SLC12A7: variants seen among roughly 807,000 people sequenced by gnomAD.
The protein encoded by SLC12A7 is K-Cl cotransporter 4.
A neutral mutation model predicts 120.6 loss-of-function variants in SLC12A7; 100 were observed. That is an observed-to-expected ratio of 0.83 (90% CI 0.71 to 0.98). The LOEUF is 0.98. Among genes scored for constraint, SLC12A7 ranks in the 50% least tolerant of loss-of-function variants. The pLI is 0.00. For missense variants in SLC12A7, 1,373 were observed against 1,548.1 expected (o/e 0.89, Z 1.90); for synonymous variants, 760 against 678.0 (o/e 1.12, Z -1.88).
At chr5:1,076,615 A>T in intron 13 of SLC12A7, 79 bp downstream of exon 13, 1 of 1,051,214 alleles carries the variant, frequency 9.5e-7, no homozygotes. Flanking sequence ...GCTTGTCCTG[A>T]GCAGGACCTC....
chr5:1,061,844 C>G (rs1736325203), intron 20 of SLC12A7, among the ~76,000 whole-genome samples: 1 of 152,040 alleles, frequency 6.6e-6, no homozygotes, highest in Non-Finnish European at 1.5e-5. Flanking sequence ...TACCTGTAGT[C>G]CCAGCTACTC....
intron 17 of SLC12A7, among the ~76,000 whole-genome samples, chr5:1,068,271 C>T (rs912449575): frequency 5.9e-5 from 9 of 152,116 alleles, no homozygotes; most frequent in African/African-American, 2.2e-4. Context: ...CCCGTCTCTA[C>T]TAAAAATACA....
chr5:1,153,585 A>G, the SLC12A7 span, among the ~76,000 whole-genome samples: 1 of 152,168 alleles, frequency 6.6e-6, no homozygotes, highest in Non-Finnish European at 1.5e-5. Context: ...CCCTGGCACT[A>G]CAGAGCCAAG....
chr5:1,103,412 C>T (rs1190332721), intron 1 of SLC12A7, among the ~76,000 whole-genome samples: 5 of 152,172 alleles, frequency 3.3e-5, no homozygotes, highest in African/African-American at 7.2e-5. Flanking sequence ...CATGAACACA[C>T]GCCACAGAAA....
At chr5:1,094,595 C>T (rs1468518616) in intron 1 of SLC12A7, among the ~76,000 whole-genome samples, 1 of 152,226 alleles carries the variant, frequency 6.6e-6, no homozygotes, top group African/African-American at 2.4e-5. Context: ...AGACAAAGCC[C>T]CTGAAAGCCT....
At position 1,075,516 on chromosome 5, in the gene SLC12A7, G is replaced by A; in HGVS notation, c.1848-26C>T. ...CTGGGGGCGGGGCAAGTGGCTCGGG[G>A]CGGCCCAACGCCATGCAGCCCCCAC... On this transcript the variant is annotated intron_variant, in intron 14 of 23. Coordinates refer to ENST00000264930, the MANE Select transcript of SLC12A7 (RefSeq NM_006598.3). The A allele has an allele frequency of 3.8e-6, 6 of 1,596,124 alleles. No homozygotes were observed. The African/African-American group carries it at 4.0e-5, about 11-fold the overall frequency.
rs374693912 is a variant in SLC12A7, at chr5:1,083,025, T to C, written c.1129+720A>G. 7.3e-4 allele frequency among the ~76,000 whole-genome samples: 106 copies of C among 145,752 alleles called. 4 individuals are homozygous for C. Among genetic ancestry groups the C allele is most frequent in the Middle Eastern group, 3.9e-3 (1 of 256 alleles). ...TTCCCATCTCAGGTTCTGGAAAGCC[T>C]GGGCTTCCCGTCTCAGGTTCTGGAA... On this transcript the variant is annotated intron_variant, in intron 8 of 23. Transcript: ENST00000264930.
the SLC12A7 span, among the ~76,000 whole-genome samples, chr5:1,141,509 T>C: frequency 6.6e-6 from 1 of 152,190 alleles, no homozygotes; most frequent in Non-Finnish European, 1.5e-5. Flanking sequence ...CTCTCTGTGC[T>C]CTCCCCTGGC....
In SLC12A7 at chr5:1,073,703, A is replaced by AGGC. The variant is rs1207468689; in HGVS notation, c.2168_2170dup (p.Gly723_Leu724insArg). ...CTCCAGCACCGAGCCCACGATGGTC[A>AGGC]GGCCCTTGCCGGCCTTCAGCTGCGA... On this transcript the variant is annotated inframe_insertion, in exon 17 of 24. Coordinates refer to ENST00000264930, the MANE Select transcript of SLC12A7 (RefSeq NM_006598.3). 1 of 1,580,354 alleles carries AGGC rather than the reference A, an allele frequency of 6.3e-7. No individual in the cohort carries two copies. Among genetic ancestry groups the AGGC allele is most frequent in the South Asian group, 1.1e-5 (1 of 88,096 alleles).
At position 1,078,305 on chromosome 5, in the gene SLC12A7, G is replaced by A. The variant is rs561424788; in HGVS notation, c.1455-298C>T. On this transcript the variant is annotated intron_variant, in intron 11 of 23. Transcript: ENST00000264930. ...CAGTCAGGGACCACCCAGGACCCCCGGGGCCTTGGGGCTGCCAGACACGCA... is the reference window on the plus strand; with the variant it reads ...CAGTCAGGGACCACCCAGGACCCCCAGGGCCTTGGGGCTGCCAGACACGCA... Among the ~76,000 whole-genome samples, 8 of 152,216 alleles carry A rather than the reference G, an allele frequency of 5.3e-5. No homozygotes were observed. In the South Asian group the frequency reaches 8.3e-4, roughly 16 times the overall value.
the SLC12A7 span, among the ~76,000 whole-genome samples, chr5:1,126,429 A>G: frequency 6.6e-6 from 1 of 152,054 alleles, no homozygotes; most frequent in Non-Finnish European, 1.5e-5. Context: ...TTGAGATGTT[A>G]CTCACTTTTT....
chr5:1,078,065 A>C, intron 11 of SLC12A7, 58 bp from the exon 12 acceptor site: 1 of 1,505,838 alleles, frequency 6.6e-7, no homozygotes, highest in South Asian at 1.2e-5. Flanking sequence ...GAGTCAGACA[A>C]AATGTCTTCT....
chr5:1,075,436 G>A lies in SLC12A7; in HGVS notation c.1902C>T (p.Ser634=). Residue 634 remains serine, a synonymous_variant, in exon 15 of 24, where the codon TCC becomes TCT. Coordinates refer to ENST00000264930, the MANE Select transcript of SLC12A7 (RefSeq NM_006598.3). ...SLCLALMFIC[S]WYYALSAMLI... ...GCATGGCGGACAGCGCGTAGTACCA[G>A]GAGCAGATGAACATCAGCGCCAGGC... 1 of 1,612,620 alleles carries A rather than the reference G, an allele frequency of 6.2e-7. No homozygotes were observed. Among genetic ancestry groups the A allele is most frequent in the South Asian group, 1.1e-5 (1 of 91,086 alleles).
chr5:1,081,301 A>C (rs1365784984), intron 9 of SLC12A7, among the ~76,000 whole-genome samples: 1 of 152,166 alleles, frequency 6.6e-6, no homozygotes, highest in African/African-American at 2.4e-5. Flanking sequence ...TCTACAAAAA[A>C]TACAGACATT....
intron 1 of SLC12A7, among the ~76,000 whole-genome samples, chr5:1,105,798 A>C (rs1368582303): frequency 1.3e-5 from 2 of 152,200 alleles, no homozygotes; most frequent in African/African-American, 4.8e-5. Context: ...GCCCCCAGCC[A>C]GCTGCTCACC....
At chr5:1,137,264 G>A in the SLC12A7 span, among the ~76,000 whole-genome samples, 1 of 152,066 alleles carries the variant, frequency 6.6e-6, no homozygotes, top group Admixed American at 6.5e-5. Context: ...GGCACGATCC[G>A]GAGCCACTTC....
chr5:1,060,585 C>T (rs922690973), intron 20 of SLC12A7, 134 bp from the exon 21 acceptor site: 23 of 663,012 alleles, frequency 3.5e-5, no homozygotes, highest in Non-Finnish European at 4.7e-5. Context: ...CCACAGGCCC[C>T]CTCTGGCTCT....
the SLC12A7 span, among the ~76,000 whole-genome samples, chr5:1,134,847 G>A: frequency 6.6e-6 from 1 of 151,972 alleles, no homozygotes; most frequent in Admixed American, 6.6e-5. Flanking sequence ...AAAAAAGAAG[G>A]GCACGGCCAG....
chr5:1,116,246 T>C (rs927206352), upstream of SLC12A7, among the ~76,000 whole-genome samples: 1 of 152,184 alleles, frequency 6.6e-6, no homozygotes, highest in Non-Finnish European at 1.5e-5. Context: ...TGCCAGGCTC[T>C]TCCCAGGCAG....
Sources: gnomAD v4.1 joint callset for allele counts (sites outside exome capture counted in the v4.1 genomes callset) on GRCh38, gnomAD v4.1.1 for gene constraint, MANE v1.5 for transcripts, NCBI Gene and HGNC (gene_info 2026-07-23, HGNC 2026-07-21) for gene names.